The following DHRS9 variants were observed in gnomAD, a reference collection of about 807,000 sequenced individuals.
DHRS9 encodes dehydrogenase/reductase 9.
Under a neutral mutation model 26.6 loss-of-function variants are expected in DHRS9, and 18 were observed. That is an observed-to-expected ratio of 0.68 (90% CI 0.47 to 1.00). The LOEUF (loss-of-function observed/expected upper bound fraction) is 1.00, where lower values mean the gene tolerates loss of function less well. Ranked by LOEUF, DHRS9 falls within the 50% of genes least tolerant of loss-of-function variation. DHRS9 has a pLI of 0.00. For missense variants in DHRS9, 425 were observed against 378.7 expected (o/e 1.12, Z -1.01); for synonymous variants, 134 against 141.1 (o/e 0.95, Z 0.36).
intron 3 of DHRS9, among the ~76,000 whole-genome samples, chr2:169,088,525 A>G (rs1244749367): frequency 6.6e-6 from 1 of 152,114 alleles, no homozygotes; most frequent in Non-Finnish European, 1.5e-5. Flanking sequence ...ATAGTTGTTT[A>G]ATTTGGTGTT....
At chr2:169,090,848 T>A (rs1684498181) in intron 3 of DHRS9, among the ~76,000 whole-genome samples, 1 of 152,176 alleles carries the variant, frequency 6.6e-6, no homozygotes, top group African/African-American at 2.4e-5. Context: ...CCAGCAGCAA[T>A]ATGTACAATA....
Position 169,095,824 on chromosome 2 carries a change from C to A in DHRS9, c.*57C>A. 2.0e-6 allele frequency: 3 copies of A among 1,485,356 alleles called. No individual in the cohort carries two copies. In the South Asian group the frequency reaches 3.4e-5, roughly 17 times the overall value. 92.0% of individuals were successfully genotyped at this position (1,485,356 alleles called of 1,614,324 possible). On this transcript the variant is annotated 3_prime_UTR_variant, in exon 5 of 5. Transcript: ENST00000674881. ...ATGAAATTGGCCGATTTCAAGAACACATCTCCTTTTCAACCCCATTCCTTA... is the reference window on the plus strand; with the variant it reads ...ATGAAATTGGCCGATTTCAAGAACAAATCTCCTTTTCAACCCCATTCCTTA...
chr2:169,091,526 A>G (rs1335109519), intron 3 of DHRS9, among the ~76,000 whole-genome samples: 2 of 152,184 alleles, frequency 1.3e-5, no homozygotes, highest in Non-Finnish European at 2.9e-5. Context: ...AGCGTGGAGA[A>G]CACTCTAGGA....
intron 4 of DHRS9, among the ~76,000 whole-genome samples, chr2:169,095,221 T>C (rs1193512387): frequency 2.0e-5 from 3 of 152,106 alleles, no homozygotes; most frequent in African/African-American, 4.8e-5. Flanking sequence ...ATCAGCATCA[T>C]CTGGAAATTT....
chr2:169,069,963 T>C (rs1264105181), intron 1 of DHRS9, among the ~76,000 whole-genome samples: 1 of 152,182 alleles, frequency 6.6e-6, no homozygotes, highest in Non-Finnish European at 1.5e-5. Context: ...GAATGTCCTT[T>C]AGCACCCTAG....
At chr2:169,084,983 T>C (rs1407751867) in intron 3 of DHRS9, among the ~76,000 whole-genome samples, 5 of 152,234 alleles carry the variant, frequency 3.3e-5, no homozygotes, top group African/African-American at 1.2e-4. Flanking sequence ...TTTAAGTCTT[T>C]AATCCATTTT....
chr2:169,070,143 G>C, intron 1 of DHRS9: 1 of 985,392 alleles, frequency 1.0e-6, no homozygotes, highest in Non-Finnish European at 1.2e-6. Context: ...TGATCTGTTT[G>C]TCTGTCCGCT....
chr2:169,075,280 A>C (rs993199872), intron 1 of DHRS9, among the ~76,000 whole-genome samples: 2 of 152,186 alleles, frequency 1.3e-5, no homozygotes, highest in African/African-American at 4.8e-5. Flanking sequence ...GACTAGGACA[A>C]CCCAGATTCC....
intron 3 of DHRS9, among the ~76,000 whole-genome samples, chr2:169,086,111 A>G (rs756846431): frequency 2.0e-5 from 3 of 151,770 alleles, no homozygotes; most frequent in Non-Finnish European, 4.4e-5. Context: ...CTATAAAGCC[A>G]GTAACTCAGA....
At chr2:169,067,339 G>A (rs1683674142), upstream of DHRS9, 1 of 1,511,250 alleles carries the variant, frequency 6.6e-7, no homozygotes, top group Admixed American at 2.0e-5. Flanking sequence ...GAATGGTGTA[G>A]TTGCAGGAAG....
intron 1 of DHRS9, chr2:169,069,989 C>T (rs573623785): frequency 7.9e-6 from 6 of 758,722 alleles, no homozygotes; most frequent in Non-Finnish European, 9.6e-6. Context: ...CAATTCAATT[C>T]ATATTTTATT....
chr2:169,074,252 C>T lies in DHRS9; in HGVS notation c.-60+4535C>T, dbSNP rs570104925. 96 of 984,686 alleles carry T rather than the reference C, an allele frequency of 9.7e-5. No individual in the cohort carries two copies. In the South Asian group the frequency reaches 2.4e-3, roughly 25 times the overall value. 61.0% of individuals were successfully genotyped at this position (984,686 alleles called of 1,614,324 possible). On this transcript the variant is annotated intron_variant, in intron 1 of 4. Coordinates refer to ENST00000674881, the MANE Select transcript of DHRS9 (RefSeq NM_001376924.1). The stretch of plus-strand genomic sequence containing the variant: ...AGGTAGATGTTGTATTTCTACTTTA[C>T]AGGTAGGAAAATGGAGGCTAAGAAA...
chr2:169,082,034 T>C, intron 2 of DHRS9, 140 bp downstream of exon 2: 1 of 895,640 alleles, frequency 1.1e-6, no homozygotes, highest in South Asian at 1.9e-5. Flanking sequence ...TCTCTAATCT[T>C]AGGATAGCTT....
At chr2:169,082,290 GC>G (rs1360647514) in intron 2 of DHRS9, among the ~76,000 whole-genome samples, 1 of 152,176 alleles carries the variant, frequency 6.6e-6, no homozygotes, top group African/African-American at 2.4e-5. Context: ...ACTTCTCCCT[GC>G]AAAATGATTC....
chr2:169,078,700 C>A (rs184780473), intron 1 of DHRS9, among the ~76,000 whole-genome samples: 10 of 152,060 alleles, frequency 6.6e-5, no homozygotes, highest in Non-Finnish European at 1.2e-4. Context: ...AATTATTAAG[C>A]CATGGTAATC....
Position 169,075,720 on chromosome 2 carries a change from A to T in DHRS9, c.-59-5803A>T, listed in dbSNP as rs146613167. On this transcript the variant is annotated intron_variant, in intron 1 of 4. Coordinates refer to ENST00000674881, the MANE Select transcript of DHRS9 (RefSeq NM_001376924.1). ...TTACTTCATGACTTTGATGTTTTTG[A>T]AGAGTACAGCCATATATTTAGAAGC... Among the ~76,000 whole-genome samples the T allele has an allele frequency of 6.7e-3, 1,021 of 152,158 alleles. 7 individuals carry two copies. The highest frequency in any genetic ancestry group is 0.023 in the African/African-American group (956 of 41,520).
intron 3 of DHRS9, among the ~76,000 whole-genome samples, chr2:169,089,072 C>A (rs1050290864): frequency 6.6e-6 from 1 of 152,128 alleles, no homozygotes; most frequent in African/African-American, 2.4e-5. Flanking sequence ...AAGATTCTGG[C>A]AGGAAATGGT....
intron 3 of DHRS9, among the ~76,000 whole-genome samples, chr2:169,087,447 C>T (rs746295254): frequency 1.2e-4 from 18 of 152,262 alleles, no homozygotes; most frequent in Middle Eastern, 3.4e-3. Context: ...GAATTGGAGA[C>T]GCTAAGTGCC....
At chr2:169,087,685 G>A (rs900111754) in intron 3 of DHRS9, among the ~76,000 whole-genome samples, 1 of 152,060 alleles carries the variant, frequency 6.6e-6, no homozygotes, top group African/African-American at 2.4e-5. Context: ...AGGGCCCAAG[G>A]GCTCTTTAGT....
Sources: allele counts gnomAD v4.1 joint callset (sites outside exome capture counted in the v4.1 genomes callset), GRCh38; gene constraint gnomAD v4.1.1; transcripts MANE v1.5; gene names NCBI Gene and HGNC (gene_info 2026-07-23, HGNC 2026-07-21).